ESR1: variants seen among roughly 807,000 people sequenced by gnomAD.
ESR1 encodes the protein estrogen receptor.
In ESR1, 12 loss-of-function variants were observed where a neutral mutation model predicts 52.7. The observed-to-expected ratio is 0.23, with a 90% CI of 0.15 to 0.37. ESR1 has a LOEUF of 0.37. Ranked by LOEUF, ESR1 falls within the 10% of genes least tolerant of loss-of-function variation. The probability of loss-of-function intolerance (pLI) is 1.00; values close to 1 mark genes in which losing one functional copy is unlikely to be tolerated. For missense variants in ESR1, 584 were observed against 779.7 expected (o/e 0.75, Z 2.99); for synonymous variants, 305 against 316.8 (o/e 0.96, Z 0.39).
rs529003406 is a variant in ESR1, at chr6:152,098,226, A to C, written c.1554-506A>C. Among the ~76,000 whole-genome samples the C allele has an allele frequency of 1.4e-4, 21 of 152,292 alleles. No homozygotes were observed. The South Asian group carries it at 4.1e-3, about 30-fold the overall frequency. On this transcript the variant is annotated intron_variant, in intron 7 of 7. Transcript: ENST00000206249. The surrounding 1 kb of genome is among the most constrained non-coding windows in gnomAD (Gnocchi z 5.1). ...ACCAGTTGGGCCTTGTTGAACATGG[A>C]AAGGCATTTAGATCGTATTCTGAGT...
chr6:151,821,490 A>G (rs931066145), intron 1 of ESR1, among the ~76,000 whole-genome samples: 1 of 152,134 alleles, frequency 6.6e-6, no homozygotes, highest in Non-Finnish European at 1.5e-5. Flanking sequence ...TACATTGTTT[A>G]CTTTGGTATT....
At chr6:151,813,851 T>C (rs188179024) in intron 1 of ESR1, among the ~76,000 whole-genome samples, 1 of 152,322 alleles carries the variant, frequency 6.6e-6, no homozygotes, top group East Asian at 1.9e-4. Flanking sequence ...TTAAGTAATG[T>C]TCAGAACTAG....
intron 6 of ESR1, among the ~76,000 whole-genome samples, chr6:152,092,896 C>G (rs545725391): frequency 6.6e-6 from 1 of 152,262 alleles, no homozygotes; most frequent in South Asian, 2.1e-4. Flanking sequence ...AAATCCAACT[C>G]ACACTATCTT....
chr6:152,118,513 C>T (rs534599646), intron 6 of ESR1: 1 of 151,836 alleles, frequency 6.6e-6, no homozygotes, highest in African/African-American at 2.4e-5. Context: ...AAACCAAACA[C>T]CACACGTTTT....
intron 3 of ESR1, among the ~76,000 whole-genome samples, chr6:151,931,629 A>C (rs62443568): frequency 0.011 from 1,459 of 129,616 alleles, 17 homozygotes; most frequent in Non-Finnish European, 0.017. Context: ...CACTCCCCAG[A>C]GTGTGATATT....
intron 2 of ESR1, among the ~76,000 whole-genome samples, chr6:151,702,450 C>T (rs1485458983): frequency 6.6e-6 from 1 of 152,156 alleles, no homozygotes; most frequent in East Asian, 1.9e-4. Flanking sequence ...CCTCCTTCTC[C>T]TCTTGCCAGT....
At chr6:152,120,929 G>A (rs2051310489) in intron 6 of ESR1, among the ~76,000 whole-genome samples, 2 of 152,292 alleles carry the variant, frequency 1.3e-5, no homozygotes, top group East Asian at 3.9e-4. Context: ...TGGGGCTAGG[G>A]TGACACAGAC....
At chr6:151,692,451 A>C (rs1378408898) in intron 1 of ESR1, among the ~76,000 whole-genome samples, 3 of 152,120 alleles carry the variant, frequency 2.0e-5, no homozygotes, top group African/African-American at 4.8e-5. Context: ...AGGACTGCAG[A>C]TTGGCTATTC....
chr6:151,690,962 A>G lies in ESR1; in HGVS notation c.-202+298A>G, dbSNP rs187906592. On this transcript the variant is annotated intron_variant, in intron 1 of 2. Transcript: ENST00000404742. ...CACACACAGGCTGCCTGTCTGTTCCAGATAACATAAATGTATTGGATCTAG... is the reference window on the plus strand; with the variant it reads ...CACACACAGGCTGCCTGTCTGTTCCGGATAACATAAATGTATTGGATCTAG... Among the ~76,000 whole-genome samples, 12 of 152,358 alleles carry G rather than the reference A, an allele frequency of 7.9e-5. No homozygotes were observed. In the East Asian group the frequency reaches 2.3e-3, roughly 29 times the overall value.
intron 1 of ESR1, among the ~76,000 whole-genome samples, chr6:151,810,593 CT>C (rs1778664907): frequency 6.6e-6 from 1 of 152,160 alleles, no homozygotes; most frequent in African/African-American, 2.4e-5. Flanking sequence ...TGTTTTCAAA[CT>C]GCTTGTCATG....
intron 5 of ESR1, among the ~76,000 whole-genome samples, chr6:152,024,700 C>T (rs1294662697): frequency 1.4e-5 from 2 of 146,946 alleles, no homozygotes. Context: ...AGTTATAATA[C>T]ATAAATATAT....
intron 3 of ESR1, among the ~76,000 whole-genome samples, chr6:151,931,242 C>T (rs950312336): frequency 2.6e-5 from 4 of 151,920 alleles, no homozygotes; most frequent in East Asian, 1.9e-4. Flanking sequence ...CAGTTGGGGA[C>T]GTTTCTGTTG....
At chr6:152,046,081 C>A (rs571392017) in intron 5 of ESR1, among the ~76,000 whole-genome samples, 2 of 152,224 alleles carry the variant, frequency 1.3e-5, no homozygotes, top group African/African-American at 4.8e-5. Flanking sequence ...GGGAGTGGGT[C>A]TTGGGACACC....
At chr6:151,829,779 G>A (rs1354600010) in intron 1 of ESR1, among the ~76,000 whole-genome samples, 2 of 152,146 alleles carry the variant, frequency 1.3e-5, no homozygotes, top group Non-Finnish European at 2.9e-5. Flanking sequence ...AAGAAACTGA[G>A]GTGCAGAGGG....
chr6:151,924,771 GT>G (rs964323335), intron 3 of ESR1, among the ~76,000 whole-genome samples: 2 of 151,658 alleles, frequency 1.3e-5, no homozygotes, highest in African/African-American at 2.4e-5. Context: ...ATGCTCTCGT[GT>G]TTTTTTTCTT....
At chr6:151,929,431 A>C (rs549147377) in intron 3 of ESR1, among the ~76,000 whole-genome samples, 4 of 152,068 alleles carry the variant, frequency 2.6e-5, no homozygotes, top group African/African-American at 9.7e-5. Context: ...CCATTCCTTT[A>C]CTTTTAACAT....
At chr6:152,097,240 C>T (rs970213312) in intron 7 of ESR1, among the ~76,000 whole-genome samples, 5 of 151,968 alleles carry the variant, frequency 3.3e-5, no homozygotes, top group African/African-American at 9.7e-5. Context: ...CAATCTAAAT[C>T]GCAGAAGTCT....
At chr6:152,005,380 G>T (rs1049157646) in intron 4 of ESR1, among the ~76,000 whole-genome samples, 8 of 151,732 alleles carry the variant, frequency 5.3e-5, no homozygotes, top group Non-Finnish European at 1.2e-4. Flanking sequence ...TTTTTATTAG[G>T]TTATTTTTAT....
At chr6:151,731,968 G>A (rs933968263) in intron 2 of ESR1, among the ~76,000 whole-genome samples, 2 of 152,280 alleles carry the variant, frequency 1.3e-5, no homozygotes, top group Admixed American at 6.5e-5. Context: ...AGAGCAGGAC[G>A]TGGAATTGGG....
Sources: gnomAD v4.1 joint callset for allele counts (sites outside exome capture counted in the v4.1 genomes callset) on GRCh38, gnomAD v4.1.1 for gene constraint, Gnocchi (gnomAD v3.1) non-coding constraint, MANE v1.5 for transcripts, NCBI Gene and HGNC (gene_info 2026-07-23, HGNC 2026-07-21) for gene names.